The following DLG2 variants were observed in gnomAD, a reference collection of about 807,000 sequenced individuals.
DLG2 encodes the protein discs large MAGUK scaffold protein 2, also known as disks large homolog 2.
DLG2 carries 45 observed loss-of-function variants against 132.5 expected under a neutral mutation model. The observed-to-expected ratio is 0.34, with a 90% CI of 0.27 to 0.44. The LOEUF (loss-of-function observed/expected upper bound fraction) is 0.44. DLG2 is among the 20% of genes least tolerant of loss of function. DLG2 has a pLI of 1.00. For missense variants in DLG2, 1,045 were observed against 1,196.9 expected, an observed-to-expected ratio of 0.87 and a Z score of 1.87; for synonymous variants, 424 against 419.6, an observed-to-expected ratio of 1.01 and a Z score of -0.13.
chr11:84,482,071 T>C (rs1455509678), intron 7 of DLG2, among the ~76,000 whole-genome samples: 1 of 152,212 alleles, frequency 6.6e-6, no homozygotes, highest in African/African-American at 2.4e-5. Flanking sequence ...AGCATACTTC[T>C]AATATTTTCT....
rs115559774 is a variant in DLG2 at position 84,669,533 on chromosome 11, T to A, written c.358-134802A>T. Among the ~76,000 whole-genome samples, 657 of 152,222 alleles carry A rather than the reference T, an allele frequency of 4.3e-3. 6 individuals are homozygous for A. Among genetic ancestry groups the A allele is most frequent in the African/African-American group, 0.015 (636 of 41,498 alleles). On this transcript the variant is annotated intron_variant, in intron 6 of 27. Coordinates refer to ENST00000376104, the MANE Select transcript of DLG2 (RefSeq NM_001142699.3). ...CTAATGCATTCATAAACTCCTTCACTTCTTTTGACAAAGTGTTAGCATCTA... is the reference window on the plus strand; with the variant it reads ...CTAATGCATTCATAAACTCCTTCACATCTTTTGACAAAGTGTTAGCATCTA...
chr11:83,737,526 C>T (rs1185700474), intron 18 of DLG2, among the ~76,000 whole-genome samples: 3 of 152,192 alleles, frequency 2.0e-5, no homozygotes, highest in Admixed American at 6.5e-5. Context: ...ACTTAAAACA[C>T]ATCTCAAATA....
chr11:84,125,963 G>GT (rs1481842501), intron 9 of DLG2, among the ~76,000 whole-genome samples: 9 of 152,108 alleles, frequency 5.9e-5, no homozygotes, highest in African/African-American at 2.2e-4. Context: ...CTAAAATCAA[G>GT]TTTTTTCCTC....
At chr11:85,238,776 T>C (rs1336785520) in intron 4 of DLG2, among the ~76,000 whole-genome samples, 1 of 151,996 alleles carries the variant, frequency 6.6e-6, no homozygotes, top group African/African-American at 2.4e-5. Context: ...TTGCAAAAAG[T>C]TCAAGGTTTT....
intron 3 of DLG2, among the ~76,000 whole-genome samples, chr11:85,500,306 C>G (rs1000006833): frequency 6.8e-6 from 1 of 147,574 alleles, no homozygotes; most frequent in South Asian, 2.1e-4. Flanking sequence ...AAACCAAACA[C>G]CGCATATTCT....
At chr11:83,605,577 C>T (rs1594346399) in intron 19 of DLG2, among the ~76,000 whole-genome samples, 1 of 152,172 alleles carries the variant, frequency 6.6e-6, no homozygotes, top group East Asian at 1.9e-4. Context: ...CATAAGAACC[C>T]TATGGGATAA....
chr11:84,418,793 G>A (rs567067078), intron 7 of DLG2, among the ~76,000 whole-genome samples: 22 of 152,062 alleles, frequency 1.4e-4, no homozygotes, highest in South Asian at 6.2e-4. Flanking sequence ...CTCTTATCCC[G>A]TTGCTTTCCC....
At chr11:83,926,068 T>A (rs889283469) in intron 15 of DLG2, among the ~76,000 whole-genome samples, 4 of 151,886 alleles carry the variant, frequency 2.6e-5, no homozygotes, top group Non-Finnish European at 5.9e-5. Flanking sequence ...CTGTGCCAAG[T>A]AATTTAAAGT....
chr11:84,304,976 A>C (rs1389865928), intron 7 of DLG2, among the ~76,000 whole-genome samples: 1 of 152,222 alleles, frequency 6.6e-6, no homozygotes, highest in African/African-American at 2.4e-5. Flanking sequence ...CTGAAATAAA[A>C]TTCATAGATG....
intron 6 of DLG2, among the ~76,000 whole-genome samples, chr11:84,830,801 C>A (rs532994961): frequency 1.3e-5 from 2 of 151,524 alleles, no homozygotes; most frequent in East Asian, 3.9e-4. Flanking sequence ...CTTTACTTTT[C>A]AATGTATAAG....
At chr11:84,522,559 G>A (rs1434764631) in intron 7 of DLG2, among the ~76,000 whole-genome samples, 1 of 152,186 alleles carries the variant, frequency 6.6e-6, no homozygotes, top group Non-Finnish European at 1.5e-5. Flanking sequence ...ACTTTGGTGA[G>A]TCAGCTGGAC....
At chr11:84,937,123 G>A (rs2048845371) in intron 6 of DLG2, among the ~76,000 whole-genome samples, 1 of 152,190 alleles carries the variant, frequency 6.6e-6, no homozygotes, top group Non-Finnish European at 1.5e-5. Flanking sequence ...TTGCACTCCA[G>A]TCTGGGCAAC....
chr11:83,712,884 T>C (rs1487172851), intron 18 of DLG2, among the ~76,000 whole-genome samples: 1 of 151,942 alleles, frequency 6.6e-6, no homozygotes, highest in Non-Finnish European at 1.5e-5. Flanking sequence ...GGTGATGGGA[T>C]GATCTGTGCA....
Position 84,286,009 on chromosome 11 carries a change from G to A in DLG2, c.520-34718C>T, listed in dbSNP as rs112356466. 4.4e-3 allele frequency among the ~76,000 whole-genome samples: 664 copies of A among 152,248 alleles called. 6 individuals are homozygous for A. The highest frequency in any genetic ancestry group is 0.015 in the African/African-American group (629 of 41,544). On this transcript the variant is annotated intron_variant, in intron 7 of 27. Coordinates refer to ENST00000376104, the MANE Select transcript of DLG2 (RefSeq NM_001142699.3). ...TAGAAGACACACTGAGTGGTTCAATGAGAGGCCCCTGAATCACATCATCAA... is the reference window on the plus strand; with the variant it reads ...TAGAAGACACACTGAGTGGTTCAATAAGAGGCCCCTGAATCACATCATCAA...
At chr11:84,796,718 ACT>A (rs1203399492) in intron 6 of DLG2, among the ~76,000 whole-genome samples, 1 of 150,132 alleles carries the variant, frequency 6.7e-6, no homozygotes, top group African/African-American at 2.4e-5. Context: ...ATGTCATGCC[ACT>A]CTCTCCCGGC....
At chr11:85,041,654 G>T (rs2061878344) in intron 6 of DLG2, among the ~76,000 whole-genome samples, 1 of 151,926 alleles carries the variant, frequency 6.6e-6, no homozygotes, top group African/African-American at 2.4e-5. Context: ...AGATGATGCT[G>T]ATTTTGCAGT....
At chr11:84,206,315 T>G (rs2096664669) in intron 8 of DLG2, among the ~76,000 whole-genome samples, 1 of 152,010 alleles carries the variant, frequency 6.6e-6, no homozygotes, top group African/African-American at 2.4e-5. Context: ...CTACCAAATA[T>G]GTAAAGAAGA....
At chr11:83,557,976 T>C (rs990247905) in intron 19 of DLG2, among the ~76,000 whole-genome samples, 2 of 152,158 alleles carry the variant, frequency 1.3e-5, no homozygotes, top group African/African-American at 2.4e-5. Flanking sequence ...TTAGAGAAGA[T>C]GGAGTTACCA....
chr11:84,732,159 A>G (rs1190042081), intron 6 of DLG2, among the ~76,000 whole-genome samples: 1 of 152,096 alleles, frequency 6.6e-6, no homozygotes, highest in Non-Finnish European at 1.5e-5. Context: ...TTGTAAAGAT[A>G]TATTACATAA....
Sources: allele counts gnomAD v4.1 joint callset (sites outside exome capture counted in the v4.1 genomes callset), GRCh38; gene constraint gnomAD v4.1.1; transcripts MANE v1.5; gene names NCBI Gene and HGNC (gene_info 2026-07-23, HGNC 2026-07-21).